The following DYNC2H1 variants were observed in gnomAD, a reference collection of about 807,000 sequenced individuals.
DYNC2H1 encodes dynein cytoplasmic 2 heavy chain 1, also known as cytoplasmic dynein 2 heavy chain 1.
Under a neutral mutation model 570.0 loss-of-function variants are expected in DYNC2H1, and 410 were observed. The ratio of observed to expected loss-of-function variants is 0.72; its 90% CI spans 0.66 to 0.78. The LOEUF (loss-of-function observed/expected upper bound fraction) is 0.78. Ranked by LOEUF, DYNC2H1 falls within the 30% of genes least tolerant of loss-of-function variation. The pLI, the probability that DYNC2H1 is intolerant of heterozygous loss-of-function variation, is 0.00. For missense variants in DYNC2H1, 4,865 were observed against 5,046.4 expected (o/e 0.96, Z 1.09); for synonymous variants, 1,688 against 1,677.6 (o/e 1.01, Z -0.15).
rs1282185431 is a variant in DYNC2H1, at chr11:103,275,035, A to G, written c.10696-5313A>G. Among the ~76,000 whole-genome samples the G allele has an allele frequency of 6.6e-6, 1 of 152,166 alleles. No individual in the cohort carries two copies. The highest frequency in any genetic ancestry group is 1.5e-5 in the Non-Finnish European group (1 of 68,022). ...CTTGAACCTGGGAGGTGGAGGTTGC[A>G]GTGATCTGAGATTGCGCCACTGCAC... On this transcript the variant is annotated intron_variant, in intron 70 of 88. Coordinates refer to ENST00000375735, the MANE Select transcript of DYNC2H1 (RefSeq NM_001377.3). The surrounding 1 kb of genome is among the most constrained non-coding windows in gnomAD (Gnocchi z 4.8).
chr11:103,227,221 G>C (rs1240369410), intron 59 of DYNC2H1, among the ~76,000 whole-genome samples: 1 of 150,494 alleles, frequency 6.6e-6, no homozygotes, highest in Non-Finnish European at 1.5e-5. Flanking sequence ...TTTTCTGTTG[G>C]GTTTGGGTTT....
At position 103,465,747 on chromosome 11, in the gene DYNC2H1, C is replaced by T. The variant is rs1336176585; in HGVS notation, c.12649-2842C>T. On this transcript the variant is annotated intron_variant, in intron 87 of 88. Transcript: ENST00000375735. This position sits in a 1 kb window ranked among gnomAD's most constrained non-coding sequence, Gnocchi z 4.9. Reference sequence around the variant, plus strand: ...CATACTGAGGTACCTCAGTCCTTCACATGCCCTCTCATACTGTAGTAGACT... The same window carrying T: ...CATACTGAGGTACCTCAGTCCTTCATATGCCCTCTCATACTGTAGTAGACT... 2.6e-5 allele frequency among the ~76,000 whole-genome samples: 4 copies of T among 152,062 alleles called. No individual in the cohort carries two copies. Among genetic ancestry groups the T allele is most frequent in the African/African-American group, 9.7e-5 (4 of 41,392 alleles).
chr11:103,466,680 C>T (rs1228574430), intron 87 of DYNC2H1, among the ~76,000 whole-genome samples: 1 of 152,140 alleles, frequency 6.6e-6, no homozygotes, highest in African/African-American at 2.4e-5. Flanking sequence ...TTACTAGTAA[C>T]TAGGAAATGA....
At chr11:103,146,360 A>T (rs1009293780) in intron 18 of DYNC2H1, among the ~76,000 whole-genome samples, 2 of 152,190 alleles carry the variant, frequency 1.3e-5, no homozygotes, top group African/African-American at 4.8e-5. Flanking sequence ...TTTTCCTCAG[A>T]TGACTGAGTC....
In DYNC2H1 at chr11:103,135,738, C is replaced by T. The variant is rs1859501212; in HGVS notation, c.2364C>T (p.Phe788=). The part of the protein sequence containing the change: ...DLTYKQGRLQ[F]RPPFEEIRAK... The stretch of plus-strand genomic sequence containing the variant: ...CTTTTAGACAGGGACGATTACAATT[C>T]AGGCCCCCTTTTGAAGAAATCCGGG... Residue 788 remains phenylalanine, a synonymous_variant, in exon 17 of 89, where the codon TTC becomes TTT. Coordinates refer to ENST00000375735, the MANE Select transcript of DYNC2H1 (RefSeq NM_001377.3). 1.9e-6 allele frequency: 3 copies of T among 1,610,272 alleles called. No homozygotes were observed. The highest frequency in any genetic ancestry group is 2.5e-6 in the Non-Finnish European group (3 of 1,177,946).
chr11:103,282,551 T>C lies in DYNC2H1; in HGVS notation c.10812+322T>C, dbSNP rs114999243. Among the ~76,000 whole-genome samples the C allele has an allele frequency of 1.6e-3, 242 of 151,530 alleles. 2 individuals carry two copies. The highest frequency in any genetic ancestry group is 5.7e-3 in the African/African-American group (235 of 41,142). ...TTATAACTTGAAAATTTTTCTTATA[T>C]ACTTGGAGTTTTAAAATTACATTTT... is the stretch of plus-strand genomic sequence containing the variant. On this transcript the variant is annotated intron_variant, in intron 72 of 88. Transcript: ENST00000375735.
chr11:103,272,610 T>A (rs1235574496), intron 70 of DYNC2H1, among the ~76,000 whole-genome samples: 2 of 152,158 alleles, frequency 1.3e-5, no homozygotes, highest in African/African-American at 4.8e-5. Flanking sequence ...GAAATTCTAG[T>A]GCATCCTGCT....
chr11:103,257,005 A>T (rs1448484453), intron 68 of DYNC2H1, among the ~76,000 whole-genome samples: 1 of 152,146 alleles, frequency 6.6e-6, no homozygotes, highest in Non-Finnish European at 1.5e-5. Context: ...TTTAAAATAT[A>T]TTGCTATAGT....
In DYNC2H1 at chr11:103,299,956, G is replaced by A. The variant is rs1866978736; in HGVS notation, c.11096-3137G>A. Among the ~76,000 whole-genome samples, 2 of 151,992 alleles carry A rather than the reference G, an allele frequency of 1.3e-5. No individual in the cohort carries two copies. Among genetic ancestry groups the A allele is most frequent in the Admixed American group, 6.6e-5 (1 of 15,228 alleles). The stretch of plus-strand genomic sequence containing the variant: ...TAATTGGTTCATATATATTGGGTTA[G>A]GTAGTGGCTGTTGATTTTCCTCTTT... On this transcript the variant is annotated intron_variant, in intron 75 of 88. Coordinates refer to ENST00000375735, the MANE Select transcript of DYNC2H1 (RefSeq NM_001377.3). This position sits in a 1 kb window ranked among gnomAD's most constrained non-coding sequence, Gnocchi z 4.5.
At chr11:103,156,113 T>C (rs1175490811) in intron 25 of DYNC2H1, among the ~76,000 whole-genome samples, 1 of 152,156 alleles carries the variant, frequency 6.6e-6, no homozygotes, top group African/African-American at 2.4e-5. Context: ...GATGCTTTAA[T>C]TTTTTGCTTT....
At chr11:103,161,149 G>T in intron 29 of DYNC2H1, 105 bp downstream of exon 29, 2 of 551,658 alleles carry the variant, frequency 3.6e-6, no homozygotes, top group East Asian at 7.3e-5. Flanking sequence ...GGTTAATTTA[G>T]GTATTTTAGG....
rs181694131 is a variant in DYNC2H1 at position 103,141,613 on chromosome 11, A to C, written c.2575-1655A>C. Among the ~76,000 whole-genome samples the C allele has an allele frequency of 7.4e-3, 1,132 of 152,148 alleles. 11 individuals carry two copies. Among genetic ancestry groups the C allele is most frequent in the African/African-American group, 0.025 (1,053 of 41,502 alleles). On this transcript the variant is annotated intron_variant, in intron 17 of 88. Transcript: ENST00000375735. ...CCGTCTGAGGTGTCAGTCTGCCCCT[A>C]CTGGGGGGTGCCTCCCAGTTAGGCT...
At chr11:103,331,877 C>T (rs1471278496) in intron 82 of DYNC2H1, among the ~76,000 whole-genome samples, 1 of 151,974 alleles carries the variant, frequency 6.6e-6, no homozygotes, top group African/African-American at 2.4e-5. Flanking sequence ...CTGGCTAACA[C>T]GGTGAAAGCC....
chr11:103,121,072 G>T (rs1858680524), intron 9 of DYNC2H1, 36 bp downstream of exon 9: 5 of 1,323,940 alleles, frequency 3.8e-6, no homozygotes, highest in Non-Finnish European at 5.1e-6. Flanking sequence ...TTGCTTGAGA[G>T]AATATTTTTG....
intron 83 of DYNC2H1, among the ~76,000 whole-genome samples, chr11:103,378,742 A>G (rs1941507246): frequency 6.6e-6 from 1 of 152,194 alleles, no homozygotes; most frequent in African/African-American, 2.4e-5. Flanking sequence ...TCTTTATTTC[A>G]TCTTCACATT....
rs1339722394 is a variant in DYNC2H1, at chr11:103,326,188, G to GT, written c.12039+2205dup. ...AGATAGGCTCTTACTTAGCCCTGTG[G>GT]TTTTTTTGTTATTTCCTTGTTTTCG... On this transcript the variant is annotated intron_variant, in intron 82 of 88. Transcript: ENST00000375735. This position sits in a 1 kb window ranked among gnomAD's most constrained non-coding sequence, Gnocchi z 6.1. 2.6e-5 allele frequency among the ~76,000 whole-genome samples: 4 copies of GT among 151,832 alleles called. No individual in the cohort carries two copies. Among genetic ancestry groups the GT allele is most frequent in the Admixed American group, 6.6e-5 (1 of 15,246 alleles).
At chr11:103,220,261 T>C (rs1170968193) in intron 56 of DYNC2H1, among the ~76,000 whole-genome samples, 6 of 152,198 alleles carry the variant, frequency 3.9e-5, no homozygotes, top group Non-Finnish European at 4.4e-5. Flanking sequence ...ATGGTTTTGA[T>C]TGCAGAGGGA....
chr11:103,220,109 C>G (rs1863529912), intron 56 of DYNC2H1, 81 bp downstream of exon 56: 3 of 780,200 alleles, frequency 3.8e-6, no homozygotes, highest in Admixed American at 8.0e-5. Flanking sequence ...ATTTGTAACT[C>G]AAGTTGTTTT....
chr11:103,317,386 C>T (rs956129824), intron 80 of DYNC2H1, among the ~76,000 whole-genome samples: 6 of 151,424 alleles, frequency 4.0e-5, no homozygotes, highest in Admixed American at 1.3e-4. Context: ...TTTTCTCATC[C>T]TCAGACATCC....
Sources: gnomAD v4.1 joint callset for allele counts (sites outside exome capture counted in the v4.1 genomes callset) on GRCh38, gnomAD v4.1.1 for gene constraint, Gnocchi (gnomAD v3.1) non-coding constraint, MANE v1.5 for transcripts, NCBI Gene and HGNC (gene_info 2026-07-23, HGNC 2026-07-21) for gene names.